Variants in LCOR observed in about 807,000 individuals in gnomAD.
LCOR encodes the protein ligand dependent nuclear receptor corepressor.
A neutral mutation model predicts 64.4 loss-of-function variants in LCOR; 14 were observed. That is an observed-to-expected ratio of 0.22 (90% confidence interval 0.14 to 0.34). The LOEUF (loss-of-function observed/expected upper bound fraction) is 0.34, where lower values mean the gene tolerates loss of function less well. Ranked by LOEUF, LCOR falls within the 10% of genes least tolerant of loss-of-function variation. The pLI, the probability that LCOR is intolerant of heterozygous loss-of-function variation, is 1.00. For synonymous variants in LCOR, 643 were observed against 642.5 expected, an observed-to-expected ratio of 1.00 and a Z score of -0.01; for missense variants, 1,686 against 1,765.3, an observed-to-expected ratio of 0.96 and a Z score of 0.80.
intron 7 of LCOR, among the ~76,000 whole-genome samples, chr10:96,976,864 C>T (rs1848044261): frequency 6.6e-6 from 1 of 152,118 alleles, no homozygotes; most frequent in Non-Finnish European, 1.5e-5. Flanking sequence ...AGGCATGAAG[C>T]GGTACCTAGA....
chr10:96,903,907 A>C (rs759013536), intron 2 of LCOR, among the ~76,000 whole-genome samples: 1 of 152,212 alleles, frequency 6.6e-6, no homozygotes, highest in Non-Finnish European at 1.5e-5. Context: ...CTCCTTGAGG[A>C]GATAAGACAT....
chr10:96,948,617 T>C (rs1474040613), intron 5 of LCOR, among the ~76,000 whole-genome samples: 1 of 152,234 alleles, frequency 6.6e-6, no homozygotes, highest in Non-Finnish European at 1.5e-5. Flanking sequence ...TCTTCAAATA[T>C]TTAGGAGAAG....
intron 2 of LCOR, among the ~76,000 whole-genome samples, chr10:96,894,858 C>A (rs541891441): frequency 1.3e-3 from 201 of 152,138 alleles, no homozygotes; most frequent in Non-Finnish European, 2.4e-3. Context: ...GTCTTTATTT[C>A]AATAACAGTG....
chr10:96,949,318 C>T (rs1393011800), intron 6 of LCOR, 23 bp downstream of exon 6: 6 of 1,609,954 alleles, frequency 3.7e-6, no homozygotes, highest in Admixed American at 1.7e-5. Context: ...GTCAAGGTCT[C>T]CTCTATCTTA....
intron 4 of LCOR, among the ~76,000 whole-genome samples, chr10:96,929,737 GCT>G: frequency 6.6e-6 from 1 of 152,132 alleles, no homozygotes; most frequent in Non-Finnish European, 1.5e-5. Flanking sequence ...TCCTCACTAA[GCT>G]CAATCATTTA....
At chr10:96,976,043 C>T (rs1282103918) in intron 7 of LCOR, among the ~76,000 whole-genome samples, 1 of 152,110 alleles carries the variant, frequency 6.6e-6, no homozygotes, top group African/African-American at 2.4e-5. Context: ...TTACCAAGCA[C>T]AGTGGCTTAG....
intron 2 of LCOR, among the ~76,000 whole-genome samples, chr10:96,869,055 G>A (rs1345270154): frequency 6.6e-6 from 1 of 152,044 alleles, no homozygotes; most frequent in African/African-American, 2.4e-5. Flanking sequence ...ACAGGCAACC[G>A]CCATCATGCC....
chr10:96,867,394 T>A (rs1845992395), intron 2 of LCOR, among the ~76,000 whole-genome samples: 1 of 152,102 alleles, frequency 6.6e-6, no homozygotes, highest in African/African-American at 2.4e-5. Flanking sequence ...TCCAGGAGTT[T>A]GAGACCAGCC....
intron 4 of LCOR, among the ~76,000 whole-genome samples, chr10:96,929,561 A>T (rs1167734068): frequency 2.6e-5 from 4 of 152,182 alleles, no homozygotes; most frequent in Non-Finnish European, 4.4e-5. Flanking sequence ...TATCCAGACC[A>T]CTCAGACTTT....
chr10:96,958,444 G>T, intron 7 of LCOR: 1 of 1,239,248 alleles, frequency 8.1e-7, no homozygotes, highest in Non-Finnish European at 1.1e-6. Flanking sequence ...AGAATGGTGT[G>T]CCTACCCTTT....
intron 2 of LCOR, among the ~76,000 whole-genome samples, chr10:96,885,714 G>A (rs1199896705): frequency 1.3e-5 from 2 of 150,938 alleles, no homozygotes; most frequent in Non-Finnish European, 3.0e-5. Context: ...TTTTAAAAAG[G>A]ATTTCAGTTA....
chr10:96,896,554 G>A (rs1846540823), intron 2 of LCOR, among the ~76,000 whole-genome samples: 5 of 151,972 alleles, frequency 3.3e-5, no homozygotes, highest in Admixed American at 3.3e-4. Flanking sequence ...CTCCCAAGTA[G>A]CTGGGACTAC....
At chr10:96,866,637 A>G (rs1845978809) in intron 2 of LCOR, among the ~76,000 whole-genome samples, 1 of 152,186 alleles carries the variant, frequency 6.6e-6, no homozygotes, top group South Asian at 2.1e-4. Context: ...CTAGAGTGCA[A>G]TGGCCCGATT....
In LCOR at chr10:96,982,942, G is replaced by A. The variant is rs752885206; in HGVS notation, c.2482G>A (p.Asp828Asn). The A allele has an allele frequency of 3.7e-6, 6 of 1,613,262 alleles. No individual in the cohort carries two copies. In the South Asian group the frequency reaches 6.6e-5, roughly 18 times the overall value. ...TCAACTTTCGGATTCTTCCTCTGCT[G>A]ACAGATGCCTAAGAAATCAGAGTTC... is the stretch of plus-strand genomic sequence containing the variant. ...RSQLSDSSSA[D>N]RCLRNQSSDS... Residue 828 changes from aspartate to asparagine, a missense_variant, in exon 8 of 8, where the codon GAC (aspartate) becomes AAC (asparagine). Asp to Asn is a conservative substitution (Grantham distance 23, BLOSUM62 1). Coordinates refer to ENST00000421806, the MANE Select transcript of LCOR (RefSeq NM_001346516.2).
intron 2 of LCOR, among the ~76,000 whole-genome samples, chr10:96,898,607 G>T (rs1043872680): frequency 6.6e-6 from 1 of 152,208 alleles, no homozygotes; most frequent in Non-Finnish European, 1.5e-5. Flanking sequence ...TAGGTGGTGT[G>T]ATGAAATGAA....
intron 4 of LCOR, among the ~76,000 whole-genome samples, chr10:96,926,933 T>G (rs746039230): frequency 5.9e-5 from 9 of 152,188 alleles, no homozygotes; most frequent in Non-Finnish European, 1.3e-4. Flanking sequence ...ATCATTTCAC[T>G]TTTTTATGGA....
In LCOR at chr10:96,880,570, G is replaced by C. The variant is rs1846246197; in HGVS notation, c.-329-26695G>C. Among the ~76,000 whole-genome samples, 3 of 152,116 alleles carry C rather than the reference G, an allele frequency of 2.0e-5. No individual in the cohort carries two copies. In the South Asian group the frequency reaches 6.2e-4, roughly 32 times the overall value. On this transcript the variant is annotated intron_variant, in intron 2 of 7. Transcript: ENST00000421806. ...ATGCCACCATGCCTGGCTAATTGTT[G>C]TATTTGTAGTAGAGATGGGGTTTTG...
At chr10:96,876,927 T>C (rs1846175301) in intron 2 of LCOR, among the ~76,000 whole-genome samples, 2 of 152,150 alleles carry the variant, frequency 1.3e-5, no homozygotes, top group Non-Finnish European at 2.9e-5. Context: ...ACTCCTGACC[T>C]CAGGTGATCC....
In LCOR at chr10:96,915,587, A is replaced by C; in HGVS notation, c.-184+7840A>C. On this transcript the variant is annotated intron_variant, in intron 4 of 7. Coordinates refer to ENST00000421806, the MANE Select transcript of LCOR (RefSeq NM_001346516.2). ...TTGGTAAAAAATAGAATTTCAAACT[A>C]TACAGTCACCAGAAGTACACAGTTA... The C allele has an allele frequency of 1.2e-5, 9 of 741,868 alleles. No individual in the cohort carries two copies. In the Admixed American group the frequency reaches 1.8e-4, roughly 15 times the overall value. 46.0% of individuals were successfully genotyped at this position (741,868 alleles called of 1,614,324 possible).
Sources: allele counts gnomAD v4.1 joint callset (sites outside exome capture counted in the v4.1 genomes callset), GRCh38; gene constraint gnomAD v4.1.1; transcripts MANE v1.5; gene names NCBI Gene and HGNC (gene_info 2026-07-23, HGNC 2026-07-21).